The following EFL1 variants were observed in gnomAD, a reference collection of about 807,000 sequenced individuals.
The protein encoded by EFL1 is elongation factor like GTPase 1, also known as elongation factor-like GTPase 1.
EFL1 carries 76 observed loss-of-function variants against 126.7 expected under a neutral mutation model. That is an observed-to-expected ratio of 0.60 (90% CI 0.50 to 0.73). EFL1 has a LOEUF of 0.73. Among genes scored for constraint, EFL1 ranks in the 30% least tolerant of loss-of-function variants. The probability of loss-of-function intolerance (pLI) is 0.00; values close to 1 mark genes in which losing one functional copy is unlikely to be tolerated. For missense variants in EFL1, 1,128 were observed against 1,343.2 expected (o/e 0.84, Z 2.50); for synonymous variants, 410 against 448.4 (o/e 0.91, Z 1.08).
intron 18 of EFL1, among the ~76,000 whole-genome samples, chr15:82,145,598 G>A (rs552394524): frequency 5.9e-5 from 9 of 152,042 alleles, no homozygotes; most frequent in African/African-American, 1.9e-4. Context: ...TTGGGAGGCC[G>A]AGCTGGGTGG....
intron 14 of EFL1, among the ~76,000 whole-genome samples, chr15:82,217,015 G>T (rs566685368): frequency 1.5e-4 from 23 of 152,138 alleles, no homozygotes; most frequent in Admixed American, 1.3e-3. Context: ...ACAGGGAAAT[G>T]ACTCCAAGAA....
At chr15:82,219,130 G>C (rs1361426983) in intron 14 of EFL1, among the ~76,000 whole-genome samples, 1 of 152,148 alleles carries the variant, frequency 6.6e-6, no homozygotes, top group East Asian at 1.9e-4. Flanking sequence ...AAAATGTTCT[G>C]AGACATCTCT....
At chr15:82,243,716 T>A (rs1236304302) in intron 4 of EFL1, among the ~76,000 whole-genome samples, 1 of 139,334 alleles carries the variant, frequency 7.2e-6, no homozygotes, top group Admixed American at 7.4e-5. Flanking sequence ...GTTACAGACC[T>A]TTTAGGGAAT....
chr15:82,207,263 C>T (rs925362203), intron 15 of EFL1, among the ~76,000 whole-genome samples: 2 of 144,998 alleles, frequency 1.4e-5, no homozygotes, highest in African/African-American at 2.6e-5. Flanking sequence ...CTCAAGGTAA[C>T]ATATATATAT....
chr15:82,152,050 C>A lies in EFL1; in HGVS notation c.2404G>T (p.Glu802Ter). 6.2e-7 allele frequency: 1 copy of A among 1,614,132 alleles called. No individual in the cohort carries two copies. The highest frequency in any genetic ancestry group is 8.5e-7 in the Non-Finnish European group (1 of 1,180,036). ...TGTTGCTCCAGTTTTCCTTTGAATTCCCAAATTTTCTCTTGGGTCTTCTGA... is the reference window on the plus strand; with the variant it reads ...TGTTGCTCCAGTTTTCCTTTGAATTACCAAATTTTCTCTTGGGTCTTCTGA... ...IHQKTQEKIW[E>*]FKGKLEQHLT... The change falls in exon 18 of 20, where the codon GAA (glutamate) becomes TAA (stop). Residue 802 changes from glutamate (E) to a stop codon, truncating the protein, a stop_gained. Coordinates refer to ENST00000268206, the MANE Select transcript of EFL1 (RefSeq NM_024580.6). LOFTEE classifies it high-confidence loss of function.
Position 82,241,366 on chromosome 15 carries a change from T to C in EFL1, c.282A>G (p.Pro94=). The C allele has an allele frequency of 6.2e-7, 1 of 1,614,068 alleles. No homozygotes were observed. The highest frequency in any genetic ancestry group is 1.1e-5 in the South Asian group (1 of 91,078). The change falls in exon 5 of 20, where the codon CCA becomes CCG. Residue 94 remains proline (P), a synonymous_variant. Transcript: ENST00000268206. ...EEYLINLIDS[P]GHVDFSSEVS... ...CTTCTGAGGAAAAGTCCACGTGTCC[T>C]GGAGAGTCTATCAGATTGATCAGGT...
rs72749548 is a variant in EFL1 at position 82,173,357 on chromosome 15, C to T, written c.1751-9373G>A. ...TAAAGCATTGGAAGACAAACTTACA[C>T]AGCAAGTTTCAAGAAGTGGTACTGC... On this transcript the variant is annotated intron_variant, in intron 15 of 19. Coordinates refer to ENST00000268206, the MANE Select transcript of EFL1 (RefSeq NM_024580.6). Among the ~76,000 whole-genome samples, 1,051 of 152,258 alleles carry T rather than the reference C, an allele frequency of 6.9e-3. 9 individuals carry two copies. Among genetic ancestry groups the T allele is most frequent in the Non-Finnish European group, 8.2e-3 (555 of 68,018 alleles).
intron 16 of EFL1, among the ~76,000 whole-genome samples, chr15:82,158,158 A>G (rs1211097075): frequency 6.6e-6 from 1 of 152,206 alleles, no homozygotes; most frequent in Non-Finnish European, 1.5e-5. Flanking sequence ...GAATTCACCT[A>G]AATCTTATAA....
At chr15:82,245,084 C>A (rs1484226882) in intron 4 of EFL1, among the ~76,000 whole-genome samples, 2 of 152,084 alleles carry the variant, frequency 1.3e-5, no homozygotes, top group African/African-American at 4.8e-5. Context: ...CAATTATATA[C>A]AAAAATTGTA....
At chr15:82,247,150 A>G (rs116340692) in intron 4 of EFL1, among the ~76,000 whole-genome samples, 4,081 of 152,200 alleles carry the variant, frequency 0.027, 84 homozygotes, top group African/African-American at 0.043. Flanking sequence ...AACATTATGA[A>G]GTCAAAGAAT....
intron 7 of EFL1, 109 bp downstream of exon 7, chr15:82,238,198 T>G: frequency 8.1e-7 from 1 of 1,231,536 alleles, no homozygotes; most frequent in Non-Finnish European, 1.1e-6. Context: ...GCATTATCTC[T>G]TACAACTATA....
chr15:82,138,425 A>AT (rs1555423511), intron 19 of EFL1, among the ~76,000 whole-genome samples: 9 of 46,242 alleles, frequency 1.9e-4, no homozygotes, highest in Admixed American at 1.3e-3. Context: ...AGAGAGAGAG[A>AT]GTGTATGTGT....
intron 4 of EFL1, among the ~76,000 whole-genome samples, chr15:82,245,498 A>G (rs534382492): frequency 4.6e-5 from 7 of 152,262 alleles, no homozygotes; most frequent in South Asian, 4.1e-4. Context: ...GTATAACATT[A>G]TAAGTTATAA....
At chr15:82,219,159 C>T (rs951460952) in intron 14 of EFL1, among the ~76,000 whole-genome samples, 6 of 152,208 alleles carry the variant, frequency 3.9e-5, no homozygotes, top group South Asian at 2.1e-4. Flanking sequence ...ATCCCTGTTT[C>T]GCCCCTTGGC....
chr15:82,132,569 C>CACT (rs950512897), intron 19 of EFL1, among the ~76,000 whole-genome samples: 2 of 150,894 alleles, frequency 1.3e-5, no homozygotes, highest in African/African-American at 4.9e-5. Flanking sequence ...GCATTATCAG[C>CACT]ACTAGAGTAA....
At chr15:82,258,804 T>C (rs950301564) in intron 3 of EFL1, among the ~76,000 whole-genome samples, 38 of 152,180 alleles carry the variant, frequency 2.5e-4, no homozygotes, top group African/African-American at 8.7e-4. Flanking sequence ...CTCAACTCAT[T>C]CACCTACAAA....
rs1263716183 is a variant in EFL1 at position 82,152,374 on chromosome 15, C to T, written c.2080G>A (p.Glu694Lys). The part of the protein sequence containing the change: ...SVSEPIIPFR[E>K]TITKPPKVDM... ...ACTTTTGGGGGTTTTGTGATTGTTT[C>T]TCTGAATGGAATAATAGGTTCAGAT... Residue 694 changes from glutamate to lysine, a missense_variant, in exon 18 of 20, where the codon GAA (glutamate) becomes AAA (lysine). This residue lies in a region of EFL1 where 561 missense variants were observed against 641.7 expected (regional missense o/e 0.87). Transcript: ENST00000268206. 1.2e-6 allele frequency: 2 copies of T among 1,613,246 alleles called. No individual in the cohort carries two copies. The highest frequency in any genetic ancestry group is 1.7e-6 in the Non-Finnish European group (2 of 1,180,016).
intron 15 of EFL1, among the ~76,000 whole-genome samples, chr15:82,198,264 A>AT (rs1202680518): frequency 6.6e-6 from 1 of 152,138 alleles, no homozygotes; most frequent in East Asian, 1.9e-4. Flanking sequence ...CCATCATCCC[A>AT]TGATGGCTTC....
intron 19 of EFL1, among the ~76,000 whole-genome samples, chr15:82,132,800 T>G (rs1448743288): frequency 6.6e-6 from 1 of 151,870 alleles, no homozygotes; most frequent in South Asian, 2.1e-4. Context: ...CTTGGTCATC[T>G]GAGGGGGTTC....
Sources: gnomAD v4.1 joint callset for allele counts (sites outside exome capture counted in the v4.1 genomes callset) on GRCh38, gnomAD v4.1.1 for gene constraint, gnomAD v4.1.1 regional missense constraint, MANE v1.5 for transcripts, NCBI Gene and HGNC (gene_info 2026-07-23, HGNC 2026-07-21) for gene names.